RGS7: variants seen among roughly 807,000 people sequenced by gnomAD.
RGS7 encodes the protein regulator of G protein signaling 7.
In RGS7, 27 loss-of-function variants were observed where a neutral mutation model predicts 81.1. The observed-to-expected ratio is 0.33, with a 90% CI of 0.25 to 0.46. The LOEUF (loss-of-function observed/expected upper bound fraction) is 0.46, where lower values mean the gene tolerates loss of function less well. Ranked by LOEUF, RGS7 falls within the 20% of genes least tolerant of loss-of-function variation. The probability of loss-of-function intolerance (pLI) is 1.00; values close to 1 mark genes in which losing one functional copy is unlikely to be tolerated. For synonymous variants in RGS7, 208 were observed against 207.7 expected (o/e 1.00, Z -0.01); for missense variants, 396 against 607.4 (o/e 0.65, Z 3.66).
chr1:241,294,669 T>C (rs2079290931), intron 2 of RGS7, among the ~76,000 whole-genome samples: 1 of 152,224 alleles, frequency 6.6e-6, no homozygotes, highest in Non-Finnish European at 1.5e-5. Context: ...GCTCCATTCA[T>C]GGCAAGTGCC....
At chr1:241,169,347 T>C (rs1387558162) in intron 2 of RGS7, among the ~76,000 whole-genome samples, 2 of 132,094 alleles carry the variant, frequency 1.5e-5, no homozygotes, top group African/African-American at 5.7e-5. Context: ...TTTTTTTTTT[T>C]TTTTTTTTTT....
rs114366088 is a variant in RGS7, at chr1:241,166,581, G to A, written c.79-67819C>T. 4.5e-3 allele frequency among the ~76,000 whole-genome samples: 687 copies of A among 152,274 alleles called. 4 individuals carry two copies. Among genetic ancestry groups the A allele is most frequent in the African/African-American group, 0.016 (652 of 41,566 alleles). On this transcript the variant is annotated intron_variant, in intron 2 of 18. Transcript: ENST00000440928. ...AAACTTCCTAGAAAGTGCCTTTAGC[G>A]ATAATTATTTGCAGACAGAATTATC...
intron 5 of RGS7, among the ~76,000 whole-genome samples, chr1:240,930,989 G>A (rs1244553381): frequency 1.3e-5 from 2 of 152,152 alleles, no homozygotes; most frequent in East Asian, 3.9e-4. Flanking sequence ...CAGCAAGCAG[G>A]TATTTAGAAT....
chr1:241,298,643 T>G (rs2079558680), intron 2 of RGS7, among the ~76,000 whole-genome samples: 1 of 152,162 alleles, frequency 6.6e-6, no homozygotes. Context: ...AAGATACAAC[T>G]TTAGAGAAAA....
intron 10 of RGS7, among the ~76,000 whole-genome samples, chr1:240,816,648 T>C (rs913553122): frequency 1.3e-5 from 2 of 152,166 alleles, no homozygotes; most frequent in African/African-American, 4.8e-5. Flanking sequence ...AATAATTGGT[T>C]ATATGTAGAG....
At chr1:240,860,597 G>A (rs993464127) in intron 9 of RGS7, among the ~76,000 whole-genome samples, 5 of 152,034 alleles carry the variant, frequency 3.3e-5, no homozygotes, top group African/African-American at 9.6e-5. Flanking sequence ...GCACACACAC[G>A]CTTGCTTCGC....
chr1:240,934,876 C>CTTTTTTTTTGTTTTTT (rs1676329351), intron 5 of RGS7, among the ~76,000 whole-genome samples: 1 of 67,154 alleles, frequency 1.5e-5, no homozygotes, highest in African/African-American at 6.2e-5. Flanking sequence ...CTTCACATGG[C>CTTTTTTTTTGTTTTTT]TTTTTTTTTT....
chr1:240,804,523 T>C (rs16840677), intron 15 of RGS7, among the ~76,000 whole-genome samples: 7,631 of 151,874 alleles, frequency 0.05, 630 homozygotes, highest in African/African-American at 0.17. Flanking sequence ...CCAAGTGGTA[T>C]TGTTTTCTAT....
chr1:241,238,091 T>C (rs559532759), intron 2 of RGS7, among the ~76,000 whole-genome samples: 45 of 152,130 alleles, frequency 3.0e-4, no homozygotes, highest in Middle Eastern at 3.4e-3. Flanking sequence ...ACAGGCTAGA[T>C]AGGGAGGCAG....
At chr1:241,135,834 G>A (rs1415199404) in intron 2 of RGS7, among the ~76,000 whole-genome samples, 2 of 151,406 alleles carry the variant, frequency 1.3e-5, no homozygotes, top group East Asian at 3.9e-4. Context: ...GTGCAATGGC[G>A]GGATCTCAGC....
At chr1:240,948,454 A>T (rs568644885) in intron 4 of RGS7, among the ~76,000 whole-genome samples, 3 of 151,882 alleles carry the variant, frequency 2.0e-5, no homozygotes, top group South Asian at 2.1e-4. Context: ...TTATTTATTT[A>T]TTTATTTTTT....
intron 3 of RGS7, among the ~76,000 whole-genome samples, chr1:241,017,502 T>C (rs1171745095): frequency 1.3e-5 from 2 of 152,134 alleles, no homozygotes; most frequent in African/African-American, 4.8e-5. Flanking sequence ...ATTATGCCTT[T>C]TTTTTATGTT....
intron 3 of RGS7, among the ~76,000 whole-genome samples, chr1:241,039,845 C>T (rs1012812006): frequency 2.0e-5 from 3 of 152,146 alleles, no homozygotes; most frequent in East Asian, 3.9e-4. Flanking sequence ...CTTGGAGAAC[C>T]GACTTGCTGT....
chr1:241,051,341 A>C (rs145229926), intron 3 of RGS7, among the ~76,000 whole-genome samples: 2 of 152,152 alleles, frequency 1.3e-5, no homozygotes, highest in Admixed American at 6.6e-5. Flanking sequence ...TACAGGCTTT[A>C]ATCACCTGCA....
At chr1:240,950,927 CTT>C (rs202229784) in intron 4 of RGS7, among the ~76,000 whole-genome samples, 2 of 146,076 alleles carry the variant, frequency 1.4e-5, no homozygotes, top group African/African-American at 5.0e-5. Context: ...TTCTCTCTCT[CTT>C]TTTTTTTTTT....
chr1:241,041,993 G>A (rs1013737413), intron 3 of RGS7, among the ~76,000 whole-genome samples: 5 of 152,112 alleles, frequency 3.3e-5, no homozygotes, highest in African/African-American at 7.2e-5. Flanking sequence ...TGAGGAAGGC[G>A]AGACATCCTT....
At chr1:240,972,372 A>C (rs1683346101) in intron 4 of RGS7, among the ~76,000 whole-genome samples, 1 of 150,396 alleles carries the variant, frequency 6.6e-6, no homozygotes, top group South Asian at 2.1e-4. Flanking sequence ...AGCCATAAAA[A>C]ATGATGAGTT....
chr1:241,116,650 T>C (rs1413817288), intron 2 of RGS7, among the ~76,000 whole-genome samples: 1 of 152,208 alleles, frequency 6.6e-6, no homozygotes, highest in Non-Finnish European at 1.5e-5. Context: ...ATACATTCTG[T>C]AAATTTTTTT....
intron 3 of RGS7, among the ~76,000 whole-genome samples, chr1:241,076,485 G>A (rs2062807274): frequency 6.6e-6 from 1 of 152,152 alleles, no homozygotes; most frequent in African/African-American, 2.4e-5. Context: ...CAGACGATCT[G>A]AAGCTAGATA....
Sources: allele counts gnomAD v4.1 joint callset (sites outside exome capture counted in the v4.1 genomes callset), GRCh38; gene constraint gnomAD v4.1.1; transcripts MANE v1.5; gene names NCBI Gene and HGNC (gene_info 2026-07-23, HGNC 2026-07-21).